PDE1A: variants seen among roughly 807,000 people sequenced by gnomAD.
The protein encoded by PDE1A is phosphodiesterase 1A.
A neutral mutation model predicts 61.7 loss-of-function variants in PDE1A; 35 were observed. The observed-to-expected ratio is 0.57, with a 90% CI of 0.43 to 0.75. The LOEUF is 0.75. PDE1A is among the 30% of genes least tolerant of loss of function. The pLI, the probability that PDE1A is intolerant of heterozygous loss-of-function variation, is 0.00. For synonymous variants in PDE1A, 232 were observed against 213.2 expected (o/e 1.09, Z -0.77); for missense variants, 597 against 630.6 (o/e 0.95, Z 0.57).
the PDE1A span, among the ~76,000 whole-genome samples, chr2:182,585,337 T>C: frequency 2.0e-5 from 3 of 152,334 alleles, no homozygotes; most frequent in South Asian, 6.2e-4. Context: ...GTCTCACTCC[T>C]ATTTGGGAAA....
intron 1 of PDE1A, among the ~76,000 whole-genome samples, chr2:182,384,450 TAA>T (rs547022039): frequency 0.019 from 2,341 of 124,126 alleles, 64 homozygotes; most frequent in African/African-American, 0.065. Context: ...CAAAATTTAA[TAA>T]AGAGAAAATA....
chr2:182,446,045 C>A (rs949948953), intron 2 of PDE1A, among the ~76,000 whole-genome samples: 2 of 152,092 alleles, frequency 1.3e-5, no homozygotes, highest in East Asian at 1.9e-4. Context: ...GCCAAGTACA[C>A]TTTTTTGGAT....
intron 7 of PDE1A, among the ~76,000 whole-genome samples, chr2:182,221,996 C>G (rs1041499339): frequency 1.3e-5 from 2 of 151,766 alleles, no homozygotes; most frequent in African/African-American, 4.8e-5. Context: ...TCTATATTCC[C>G]CACATCAAAC....
downstream of PDE1A, among the ~76,000 whole-genome samples, chr2:182,167,008 A>G (rs746964450): frequency 6.6e-6 from 1 of 152,184 alleles, no homozygotes; most frequent in Non-Finnish European, 1.5e-5. Context: ...GTAGAAAACA[A>G]GTCAATTTCA....
chr2:182,255,342 T>G (rs998133560), intron 2 of PDE1A, among the ~76,000 whole-genome samples: 5 of 152,212 alleles, frequency 3.3e-5, no homozygotes, highest in African/African-American at 1.2e-4. Flanking sequence ...ATTTCTCTTT[T>G]TCCTCTCTCT....
chr2:182,523,666 T>C (rs956434266), upstream of PDE1A, among the ~76,000 whole-genome samples: 3 of 152,192 alleles, frequency 2.0e-5, no homozygotes, highest in Non-Finnish European at 4.4e-5. Flanking sequence ...ATTTCTGATG[T>C]TTCAGACAAT....
chr2:182,702,131 T>C, the PDE1A span, among the ~76,000 whole-genome samples: 1 of 152,076 alleles, frequency 6.6e-6, no homozygotes, highest in Non-Finnish European at 1.5e-5. Context: ...TTGAGTGGAG[T>C]CTCACTCTGT....
intron 7 of PDE1A, among the ~76,000 whole-genome samples, chr2:182,213,269 A>C (rs1687826016): frequency 7.1e-6 from 1 of 140,726 alleles, no homozygotes; most frequent in African/African-American, 2.7e-5. Context: ...CCATCTGTAC[A>C]TCACCATCAT....
At chr2:182,608,089 G>C in the PDE1A span, among the ~76,000 whole-genome samples, 4 of 152,106 alleles carry the variant, frequency 2.6e-5, no homozygotes, top group Admixed American at 6.5e-5. Flanking sequence ...AGTTTCCTCC[G>C]ACCTTCTCCT....
chr2:182,425,521 T>A lies in PDE1A; in HGVS notation c.53+1057A>T, dbSNP rs915999927. Among the ~76,000 whole-genome samples the A allele has an allele frequency of 3.9e-5, 6 of 152,310 alleles. No homozygotes were observed. The South Asian group carries it at 8.3e-4, about 21-fold the overall frequency. On this transcript the variant is annotated intron_variant, in intron 1 of 13. Coordinates refer to ENST00000351439, the Ensembl canonical transcript of PDE1A. ...TTCAAAGGAAGACTTTAAAACAGATTCAAGCTAACATCTTGTTTTAAGCAT... is the reference window on the plus strand; with the variant it reads ...TTCAAAGGAAGACTTTAAAACAGATACAAGCTAACATCTTGTTTTAAGCAT...
chr2:182,311,819 A>C (rs1695996103), intron 1 of PDE1A, among the ~76,000 whole-genome samples: 1 of 152,146 alleles, frequency 6.6e-6, no homozygotes, highest in Non-Finnish European at 1.5e-5. Flanking sequence ...ATTGCATATT[A>C]GGTGTAAGTT....
chr2:182,638,901 T>C, the PDE1A span, among the ~76,000 whole-genome samples: 4 of 152,160 alleles, frequency 2.6e-5, no homozygotes, highest in African/African-American at 9.6e-5. Context: ...GTGAGGAAAG[T>C]GTAGCAAAGA....
the PDE1A span, among the ~76,000 whole-genome samples, chr2:182,667,527 C>T: frequency 6.6e-6 from 1 of 152,196 alleles, no homozygotes; most frequent in Non-Finnish European, 1.5e-5. Flanking sequence ...AAGGGAGTAT[C>T]CTCTGAGTCT....
At chr2:182,361,237 A>G (rs1699487940) in intron 1 of PDE1A, among the ~76,000 whole-genome samples, 1 of 152,126 alleles carries the variant, frequency 6.6e-6, no homozygotes, top group Non-Finnish European at 1.5e-5. Flanking sequence ...ACATGTGTAC[A>G]TAGTACATGT....
intron 2 of PDE1A, among the ~76,000 whole-genome samples, chr2:182,481,158 A>C (rs1426017339): frequency 6.6e-6 from 1 of 151,976 alleles, no homozygotes; most frequent in East Asian, 1.9e-4. Context: ...GCAATCGAAA[A>C]GTTTTGAAAC....
intron 1 of PDE1A, among the ~76,000 whole-genome samples, chr2:182,392,426 G>A (rs1701474557): frequency 6.6e-6 from 1 of 152,184 alleles, no homozygotes; most frequent in Non-Finnish European, 1.5e-5. Flanking sequence ...AATTTTGGGA[G>A]CTAATATTCA....
At chr2:182,345,463 C>A (rs1698463258) in intron 1 of PDE1A, among the ~76,000 whole-genome samples, 1 of 152,186 alleles carries the variant, frequency 6.6e-6, no homozygotes, top group African/African-American at 2.4e-5. Context: ...CAGTCAGATT[C>A]TCTGCCAAAA....
chr2:182,589,004 T>C, the PDE1A span, among the ~76,000 whole-genome samples: 7 of 149,878 alleles, frequency 4.7e-5, no homozygotes, highest in Non-Finnish European at 8.9e-5. Flanking sequence ...GATGGCACCA[T>C]TGCACTCCAG....
At chr2:182,309,680 A>G (rs1345511317) in intron 1 of PDE1A, among the ~76,000 whole-genome samples, 2 of 152,158 alleles carry the variant, frequency 1.3e-5, no homozygotes, top group African/African-American at 2.4e-5. Context: ...AAGGGCGAGA[A>G]GAATGAATCA....
Sources: gnomAD v4.1 joint callset for allele counts (sites outside exome capture counted in the v4.1 genomes callset) on GRCh38, gnomAD v4.1.1 for gene constraint, MANE v1.5 for transcripts, NCBI Gene and HGNC (gene_info 2026-07-23, HGNC 2026-07-21) for gene names.